HSBP1L1: variants seen among roughly 807,000 people sequenced by gnomAD.
HSBP1L1 encodes the protein heat shock factor-binding protein 1-like protein 1.
A neutral mutation model predicts 9.7 loss-of-function variants in HSBP1L1; 8 were observed. That is an observed-to-expected ratio of 0.82 (90% confidence interval 0.48 to 1.48). HSBP1L1 has a LOEUF of 1.48. HSBP1L1 is among the 40% of genes most tolerant of loss of function. HSBP1L1 has a pLI of 0.00. For missense variants in HSBP1L1, 106 were observed against 95.8 expected, an observed-to-expected ratio of 1.11 and a Z score of -0.44; for synonymous variants, 39 against 34.4, an observed-to-expected ratio of 1.13 and a Z score of -0.46.
Position 79,968,593 on chromosome 18 carries a change from C to T in HSBP1L1, c.213+410C>T, listed in dbSNP as rs187356919. ...CACCCACCTTGGCCTCCCAGTGCTG[C>T]AATTACAGGCGTGAGCCACCACGCC... On this transcript the variant is annotated intron_variant, in intron 3 of 3. Transcript: ENST00000451882. Among the ~76,000 whole-genome samples the T allele has an allele frequency of 4.0e-4, 61 of 152,126 alleles. 1 individual carries two copies. In the East Asian group the frequency reaches 0.011, roughly 27 times the overall value.
chr18:79,969,549 T>G (rs7505247), intron 3 of HSBP1L1, among the ~76,000 whole-genome samples: 6 of 151,928 alleles, frequency 3.9e-5, no homozygotes, highest in Non-Finnish European at 8.8e-5. Context: ...TCTGTTCAGG[T>G]AGGCAGAGAT....
chr18:79,966,951 A>C (rs1431068087), intron 2 of HSBP1L1: 3 of 309,398 alleles, frequency 9.7e-6, no homozygotes, highest in Non-Finnish European at 1.2e-5. Flanking sequence ...GATGGAGACC[A>C]TCCTGGCTAA....
intron 3 of HSBP1L1, among the ~76,000 whole-genome samples, chr18:79,969,375 G>GAAAT (rs1300355171): frequency 1.9e-5 from 1 of 52,058 alleles, no homozygotes; most frequent in Non-Finnish European, 4.8e-5. Context: ...AAGAAAGAAA[G>GAAAT]AAAGAAAGAA....
At chr18:79,965,798 C>T (rs2051253699) in intron 1 of HSBP1L1, among the ~76,000 whole-genome samples, 1 of 152,180 alleles carries the variant, frequency 6.6e-6, no homozygotes, top group African/African-American at 2.4e-5. Flanking sequence ...GTCCCTGCCC[C>T]GTCTGCACGT....
At chr18:79,964,856 T>C (rs1293435731) in intron 1 of HSBP1L1, 70 bp downstream of exon 1, 8 of 119,684 alleles carry the variant, frequency 6.7e-5, no homozygotes, top group Non-Finnish European at 1.1e-4. Context: ...GGTTTTGAGG[T>C]CCTGGGGGGG....
intron 3 of HSBP1L1, 119 bp from the exon 4 acceptor site, chr18:79,970,321 T>G: frequency 1.4e-6 from 1 of 690,776 alleles, no homozygotes; most frequent in Admixed American, 2.0e-5. Flanking sequence ...CAAATCATTA[T>G]GATTTCAACT....
At chr18:79,969,794 C>T (rs974409368) in intron 3 of HSBP1L1, among the ~76,000 whole-genome samples, 1 of 152,192 alleles carries the variant, frequency 6.6e-6, no homozygotes, top group Non-Finnish European at 1.5e-5. Context: ...CGACACGTGT[C>T]GCTCTAGGTC....
At chr18:79,969,312 G>GAAAAA (rs1239781130) in intron 3 of HSBP1L1, among the ~76,000 whole-genome samples, 7 of 47,110 alleles carry the variant, frequency 1.5e-4, no homozygotes, top group East Asian at 6.8e-4. Flanking sequence ...GAGAGAGAAA[G>GAAAAA]GAAAGAAAGA....
At chr18:79,969,336 AAAG>A (rs2051278930) in intron 3 of HSBP1L1, among the ~76,000 whole-genome samples, 1 of 11,492 alleles carries the variant, frequency 8.7e-5, no homozygotes, top group Non-Finnish European at 2.2e-4. Flanking sequence ...AAAGAAAAAG[AAAG>A]AAAGAAAGAA....
intron 1 of HSBP1L1, among the ~76,000 whole-genome samples, chr18:79,965,600 G>A (rs2051252768): frequency 6.6e-6 from 1 of 152,198 alleles, no homozygotes; most frequent in South Asian, 2.1e-4. Context: ...TATATAAACA[G>A]GAAACGCTTT....
In HSBP1L1 at chr18:79,970,525, C is replaced by T; in HGVS notation, c.*74C>T. The T allele has an allele frequency of 1.4e-6, 1 of 717,194 alleles. No individual in the cohort carries two copies. The highest frequency in any genetic ancestry group is 1.5e-5 in the South Asian group (1 of 67,560). The allele number at this position is 717,194 out of a possible 1,614,324, so 44.4% of individuals were successfully genotyped here. On this transcript the variant is annotated 3_prime_UTR_variant, in exon 4 of 4. Transcript: ENST00000451882. ...GGTTACATCGGTCCTGAGGGTGGGGCCCTCATCCAACAGGATTCGTCTTTC... is the reference window on the plus strand; with the variant it reads ...GGTTACATCGGTCCTGAGGGTGGGGTCCTCATCCAACAGGATTCGTCTTTC...
At chr18:79,968,421 G>A (rs938986390) in intron 3 of HSBP1L1, among the ~76,000 whole-genome samples, 1 of 152,116 alleles carries the variant, frequency 6.6e-6, no homozygotes, top group African/African-American at 2.4e-5. Flanking sequence ...CCACCTCCCG[G>A]GTTTAAGCCA....
rs1212643878 is a variant in HSBP1L1, at chr18:79,969,259, AGAGGGAGGGAGGGAGGGAGG to A, written c.213+1096_213+1115del. Among the ~76,000 whole-genome samples, 65 of 20,346 alleles carry A rather than the reference AGAGGGAGGGAGGGAGGGAGG, an allele frequency of 3.2e-3. 4 individuals are homozygous for A. Among genetic ancestry groups the A allele is most frequent in the Non-Finnish European group, 4.7e-3 (48 of 10,272 alleles). The allele number at this position is 20,346 out of a possible 152,430, so 13.3% of individuals were successfully genotyped here. A position where few individuals can be genotyped will look rare whatever the true frequency, so the allele number is the denominator to read the frequency against. ...AGGAGAGAGAGGAGAGGAGAGAGAG[AGAGGGAGGGAGGGAGGGAGG>A]GAGGGAGGGAGGGAGGGAGAGAGAG... is the stretch of plus-strand genomic sequence containing the variant. On this transcript the variant is annotated intron_variant, in intron 3 of 3. Transcript: ENST00000451882.
At chr18:79,968,447 C>T (rs1056115689) in intron 3 of HSBP1L1, among the ~76,000 whole-genome samples, 4 of 152,190 alleles carry the variant, frequency 2.6e-5, no homozygotes, top group African/African-American at 9.7e-5. Context: ...CTGCCTCAGC[C>T]TCCCAGGTAG....
intron 1 of HSBP1L1, 68 bp from the exon 2 acceptor site, chr18:79,966,544 G>GAAAAA: frequency 1.9e-6 from 2 of 1,032,418 alleles, no homozygotes; most frequent in Admixed American, 2.7e-5. Context: ...CTTCATCTCA[G>GAAAAA]AAAAAAAAAA....
Position 79,970,598 on chromosome 18 carries a change from C to A in HSBP1L1, c.*147C>A. ...GCCTGCTCTCCCCTCCGTGCCTGCA[C>A]CAGAGAAGGAGGCCATCGGCAAGCC... is the stretch of plus-strand genomic sequence containing the variant. On this transcript the variant is annotated 3_prime_UTR_variant, in exon 4 of 4. Coordinates refer to ENST00000451882, the MANE Select transcript of HSBP1L1 (RefSeq NM_001136180.2). 1 of 636,082 alleles carries A rather than the reference C, an allele frequency of 1.6e-6. No individual in the cohort carries two copies. Among genetic ancestry groups the A allele is most frequent in the Non-Finnish European group, 2.9e-6 (1 of 339,118 alleles). The allele number at this position is 636,082 out of a possible 1,614,324, so 39.4% of individuals were successfully genotyped here.
At chr18:79,968,045 C>A in intron 2 of HSBP1L1, 44 bp from the exon 3 acceptor site, 1 of 1,246,792 alleles carries the variant, frequency 8.0e-7, no homozygotes, top group Non-Finnish European at 1.1e-6. Flanking sequence ...TGTGCCTCGG[C>A]GGCTCTGGAC....
In HSBP1L1 at chr18:79,968,147, G is replaced by A. The variant is rs2051266999; in HGVS notation, c.177G>A (p.Val59=). The stretch of plus-strand genomic sequence containing the variant: ...AGAAGAATGTCAAGGACTTAATGGT[G>A]CAAGCTGGCATTGAAAATTCTATTA... The part of the protein sequence containing the change: ...DLQKNVKDLM[V]QAGIENSIKE... The change falls in exon 3 of 4, where the codon GTG becomes GTA. Residue 59 remains valine, a synonymous_variant. Coordinates refer to ENST00000451882, the MANE Select transcript of HSBP1L1 (RefSeq NM_001136180.2). 1 of 1,548,828 alleles carries A rather than the reference G, an allele frequency of 6.5e-7. No individual in the cohort carries two copies. Among genetic ancestry groups the A allele is most frequent in the South Asian group, 1.2e-5 (1 of 83,834 alleles).
At chr18:79,969,329 GAA>G (rs1231438845) in intron 3 of HSBP1L1, among the ~76,000 whole-genome samples, 5,917 of 75,130 alleles carry the variant, frequency 0.079, 316 homozygotes, top group African/African-American at 0.09. Flanking sequence ...AAGAAAGAAA[GAA>G]AAAGAAAGAA....
Sources: gnomAD v4.1 joint callset for allele counts (sites outside exome capture counted in the v4.1 genomes callset) on GRCh38, gnomAD v4.1.1 for gene constraint, MANE v1.5 for transcripts, NCBI Gene and HGNC (gene_info 2026-07-23, HGNC 2026-07-21) for gene names.